The following STON2 variants were observed in gnomAD, a reference collection of about 807,000 sequenced individuals.
The protein encoded by STON2 is stonin-2.
Under a neutral mutation model 65.7 loss-of-function variants are expected in STON2, and 29 were observed. The observed-to-expected ratio is 0.44, with a 90% CI of 0.33 to 0.60. STON2 has a LOEUF of 0.60. Ranked by LOEUF, STON2 falls within the 20% of genes least tolerant of loss-of-function variation. The pLI, the probability that STON2 is intolerant of heterozygous loss-of-function variation, is 0.03. For synonymous variants in STON2, 404 were observed against 414.2 expected (o/e 0.98, Z 0.30); for missense variants, 1,054 against 1,118.1 (o/e 0.94, Z 0.82).
chr14:81,275,063 C>T (rs1894758076), intron 6 of STON2, among the ~76,000 whole-genome samples: 1 of 152,052 alleles, frequency 6.6e-6, no homozygotes, highest in Non-Finnish European at 1.5e-5. Context: ...TCAGTCTTTT[C>T]CTCAGGTCTC....
At chr14:81,276,265 T>C (rs1894814961) in intron 6 of STON2, among the ~76,000 whole-genome samples, 1 of 152,222 alleles carries the variant, frequency 6.6e-6, no homozygotes, top group African/African-American at 2.4e-5. Context: ...ATTTTTTTGT[T>C]TGTCTAAATA....
chr14:81,362,914 T>C (rs1262842003), intron 4 of STON2, among the ~76,000 whole-genome samples: 1 of 152,168 alleles, frequency 6.6e-6, no homozygotes, highest in African/African-American at 2.4e-5. Context: ...AGCGGAGGAC[T>C]CCTAAACAAA....
chr14:81,317,460 ATTC>A (rs1457744504), intron 5 of STON2, among the ~76,000 whole-genome samples: 1 of 152,228 alleles, frequency 6.6e-6, no homozygotes, highest in African/African-American at 2.4e-5. Flanking sequence ...AAAGTGCTTT[ATTC>A]TTCTTCTTAG....
intron 5 of STON2, among the ~76,000 whole-genome samples, chr14:81,317,839 T>C (rs1340442166): frequency 1.3e-5 from 2 of 152,234 alleles, no homozygotes; most frequent in East Asian, 3.8e-4. Flanking sequence ...CCATAATCTT[T>C]ACATTTTAGA....
chr14:81,286,999 A>G (rs1283060643), intron 5 of STON2, among the ~76,000 whole-genome samples: 1 of 152,182 alleles, frequency 6.6e-6, no homozygotes, highest in Non-Finnish European at 1.5e-5. Flanking sequence ...TCTTGACACA[A>G]CTTCTTAGGA....
chr14:81,276,044 G>C (rs541037689), intron 6 of STON2, among the ~76,000 whole-genome samples: 1 of 152,302 alleles, frequency 6.6e-6, no homozygotes, highest in South Asian at 2.1e-4. Flanking sequence ...GGGGTTTAAT[G>C]GCTTACAAGA....
intron 3 of STON2, among the ~76,000 whole-genome samples, chr14:81,377,093 A>G (rs1024631710): frequency 5.9e-5 from 9 of 152,198 alleles, no homozygotes; most frequent in African/African-American, 9.7e-5. Flanking sequence ...AAGATACAGA[A>G]CAGTTCCATC....
intron 3 of STON2, 100 bp downstream of exon 3, chr14:81,395,794 G>C: frequency 8.2e-7 from 1 of 1,216,206 alleles, no homozygotes. Flanking sequence ...TTCAGGGTTA[G>C]GGGGCAGATG....
At chr14:81,270,047 A>C in intron 7 of STON2, 1 of 983,486 alleles carries the variant, frequency 1.0e-6, no homozygotes, top group Non-Finnish European at 1.2e-6. Context: ...CTGTGACATA[A>C]ATTATATTGC....
At chr14:81,434,870 G>C (rs1041743031) in intron 1 of STON2, among the ~76,000 whole-genome samples, 27 of 151,980 alleles carry the variant, frequency 1.8e-4, no homozygotes, top group African/African-American at 6.5e-4. Context: ...GTCAGGCATA[G>C]GAAAAAAAAC....
At chr14:81,305,046 A>G (rs1327182601) in intron 5 of STON2, among the ~76,000 whole-genome samples, 1 of 152,224 alleles carries the variant, frequency 6.6e-6, no homozygotes, top group Non-Finnish European at 1.5e-5. Context: ...TTGAACTTAG[A>G]TAAATGAATT....
chr14:81,345,559 C>A (rs1897779281), intron 4 of STON2, among the ~76,000 whole-genome samples: 1 of 152,056 alleles, frequency 6.6e-6, no homozygotes, highest in African/African-American at 2.4e-5. Context: ...CCCAGGAGTT[C>A]GAGACCAGCC....
intron 2 of STON2, among the ~76,000 whole-genome samples, chr14:81,416,190 T>C (rs1420674293): frequency 6.6e-6 from 1 of 152,218 alleles, no homozygotes; most frequent in African/African-American, 2.4e-5. Flanking sequence ...TTCTGTAAGA[T>C]GCTGCAGGTA....
intron 6 of STON2, among the ~76,000 whole-genome samples, chr14:81,273,625 G>A (rs1894686842): frequency 1.3e-5 from 2 of 152,068 alleles, no homozygotes; most frequent in African/African-American, 4.8e-5. Context: ...GGCTGGGCTG[G>A]GCCAGGCTGG....
At chr14:81,304,228 G>A (rs202008519) in intron 5 of STON2, among the ~76,000 whole-genome samples, 2 of 152,160 alleles carry the variant, frequency 1.3e-5, no homozygotes, top group African/African-American at 2.4e-5. Flanking sequence ...TATTATGGAG[G>A]AGCCACTGTA....
chr14:81,424,359 G>A (rs558243552), intron 2 of STON2, among the ~76,000 whole-genome samples: 6 of 152,122 alleles, frequency 3.9e-5, no homozygotes, highest in African/African-American at 7.2e-5. Flanking sequence ...CAAGAGAATC[G>A]CTTGAACACG....
At chr14:81,378,277 G>A (rs143533102) in intron 3 of STON2, among the ~76,000 whole-genome samples, 25 of 152,234 alleles carry the variant, frequency 1.6e-4, no homozygotes, top group African/African-American at 5.5e-4. Flanking sequence ...GTGGAGTGAT[G>A]CCATCTCAGC....
chr14:81,309,511 T>C (rs5025110), intron 5 of STON2, among the ~76,000 whole-genome samples: 63,514 of 152,058 alleles, frequency 0.42, 15,468 homozygotes, highest in Non-Finnish European at 0.54. Context: ...TAATTATCCT[T>C]GAGAAAATCT....
At position 81,270,679 on chromosome 14, in the gene STON2, G is replaced by A; in HGVS notation, c.2775C>T (p.Tyr925=). The part of the protein sequence containing the change: ...VRKWVNYSAH[Y]SYQVEIEQKK... ...TGCTTCCCAAGGCTACCTGGTAGCT[G>A]TAGTGTGCAGAATAATTGACCCACT... Residue 925 remains tyrosine, a synonymous_variant, in exon 7 of 8, where the codon TAC becomes TAT. Coordinates refer to ENST00000614646, the MANE Select transcript of STON2 (RefSeq NM_001394390.1). 1 of 1,614,192 alleles carries A rather than the reference G, an allele frequency of 6.2e-7. No homozygotes were observed. The highest frequency in any genetic ancestry group is 1.1e-5 in the South Asian group (1 of 91,078).
Sources: allele counts gnomAD v4.1 joint callset (sites outside exome capture counted in the v4.1 genomes callset), GRCh38; gene constraint gnomAD v4.1.1; transcripts MANE v1.5; gene names NCBI Gene and HGNC (gene_info 2026-07-23, HGNC 2026-07-21).